The following ERBB4 variants were observed in gnomAD, a reference collection of about 807,000 sequenced individuals.
The protein encoded by ERBB4 is erb-b2 receptor tyrosine kinase 4, also known as receptor tyrosine-protein kinase erbB-4.
ERBB4 carries 42 observed loss-of-function variants against 158.0 expected under a neutral mutation model. The observed-to-expected ratio is 0.27, with a 90% CI of 0.21 to 0.34. ERBB4 has a LOEUF of 0.34. Among genes scored for constraint, ERBB4 ranks in the 10% least tolerant of loss-of-function variants. The probability of loss-of-function intolerance (pLI) is 1.00; values close to 1 mark genes in which losing one functional copy is unlikely to be tolerated. For synonymous variants in ERBB4, 583 were observed against 558.7 expected (o/e 1.04, Z -0.61); for missense variants, 1,333 against 1,624.1 (o/e 0.82, Z 3.08).
At chr2:211,598,884 T>C (rs534369845) in intron 19 of ERBB4, among the ~76,000 whole-genome samples, 25 of 152,276 alleles carry the variant, frequency 1.6e-4, no homozygotes, top group African/African-American at 5.8e-4. Context: ...ACAATTTGAG[T>C]AACGTCACTT....
chr2:212,296,703 G>C (rs750763739), intron 1 of ERBB4, among the ~76,000 whole-genome samples: 1 of 151,904 alleles, frequency 6.6e-6, no homozygotes, highest in African/African-American at 2.4e-5. Context: ...TAGACAATCT[G>C]AGGAAATCCT....
At chr2:212,268,786 C>T (rs1314426191) in intron 1 of ERBB4, among the ~76,000 whole-genome samples, 1 of 151,732 alleles carries the variant, frequency 6.6e-6, no homozygotes, top group East Asian at 1.9e-4. Context: ...AATAGTTTGC[C>T]AAATCCTGCT....
At chr2:212,399,257 T>C (rs1346022669) in intron 1 of ERBB4, among the ~76,000 whole-genome samples, 1 of 152,026 alleles carries the variant, frequency 6.6e-6, no homozygotes, top group African/African-American at 2.4e-5. Flanking sequence ...TTGTTCATTC[T>C]AAACATTCTA....
chr2:211,736,550 C>G (rs1352211427), intron 5 of ERBB4, among the ~76,000 whole-genome samples: 1 of 152,118 alleles, frequency 6.6e-6, no homozygotes, highest in African/African-American at 2.4e-5. Context: ...CTGTGCTCTT[C>G]TTATATATGT....
In ERBB4 at chr2:212,104,277, G is replaced by T. The variant is rs372999585; in HGVS notation, c.234+20475C>A. 2.5e-3 allele frequency among the ~76,000 whole-genome samples: 385 copies of T among 152,084 alleles called. 3 individuals are homozygous for T. The highest frequency in any genetic ancestry group is 8.9e-3 in the African/African-American group (371 of 41,530). The stretch of plus-strand genomic sequence containing the variant: ...GTTTCTATTCATCTTGGGATCCCTA[G>T]CAGGTAACCCAATGCCTGGTCCATA... On this transcript the variant is annotated intron_variant, in intron 2 of 27. Coordinates refer to ENST00000342788, the MANE Select transcript of ERBB4 (RefSeq NM_005235.3).
chr2:212,333,527 GAA>G (rs80161582), intron 1 of ERBB4, among the ~76,000 whole-genome samples: 1,655 of 137,038 alleles, frequency 0.012, 27 homozygotes, highest in African/African-American at 0.04. Flanking sequence ...GAAAAAATAC[GAA>G]AAAAAAAAAA....
chr2:212,088,504 TG>T (rs1410345041), intron 2 of ERBB4, among the ~76,000 whole-genome samples: 1 of 152,160 alleles, frequency 6.6e-6, no homozygotes, highest in Non-Finnish European at 1.5e-5. Flanking sequence ...GAGTTGAATA[TG>T]ATGCAATCCT....
intron 25 of ERBB4, among the ~76,000 whole-genome samples, chr2:211,409,324 C>G (rs1277386286): frequency 1.3e-5 from 2 of 151,984 alleles, no homozygotes; most frequent in Admixed American, 1.3e-4. Flanking sequence ...TTCAGTTACC[C>G]TTGTTATGAA....
At chr2:212,047,496 G>T (rs2077286281) in intron 2 of ERBB4, among the ~76,000 whole-genome samples, 1 of 150,480 alleles carries the variant, frequency 6.6e-6, no homozygotes. Context: ...TATTTTAGAT[G>T]GAGTCTTGTT....
intron 4 of ERBB4, among the ~76,000 whole-genome samples, chr2:211,760,351 C>G (rs552869582): frequency 6.6e-6 from 1 of 152,278 alleles, no homozygotes; most frequent in African/African-American, 2.4e-5. Context: ...ACCTTTTAGT[C>G]ACTGAGTTGC....
chr2:211,827,753 A>G (rs1021793532), intron 3 of ERBB4, among the ~76,000 whole-genome samples: 1 of 152,116 alleles, frequency 6.6e-6, no homozygotes, highest in Non-Finnish European at 1.5e-5. Flanking sequence ...TTATACATTG[A>G]TGGCTATAAG....
intron 4 of ERBB4, among the ~76,000 whole-genome samples, chr2:211,785,259 G>A (rs550851189): frequency 3.9e-5 from 6 of 151,998 alleles, no homozygotes; most frequent in African/African-American, 1.2e-4. Flanking sequence ...CTGCCACCAC[G>A]CCCGGCTAAT....
intron 5 of ERBB4, among the ~76,000 whole-genome samples, chr2:211,735,779 C>A (rs2074579039): frequency 6.6e-6 from 1 of 151,890 alleles, no homozygotes; most frequent in African/African-American, 2.4e-5. Flanking sequence ...AGAGTTATAC[C>A]ACAAGCACAT....
intron 1 of ERBB4, among the ~76,000 whole-genome samples, chr2:212,210,805 G>C (rs938948933): frequency 3.3e-5 from 5 of 152,018 alleles, no homozygotes; most frequent in African/African-American, 4.8e-5. Flanking sequence ...GGATGTCATG[G>C]TTTCATTTAT....
At chr2:212,150,482 A>C (rs1245501833) in intron 1 of ERBB4, among the ~76,000 whole-genome samples, 1 of 152,168 alleles carries the variant, frequency 6.6e-6, no homozygotes, top group Non-Finnish European at 1.5e-5. Flanking sequence ...GAACTTCAGC[A>C]TATCTTTTAC....
intron 1 of ERBB4, among the ~76,000 whole-genome samples, chr2:212,447,470 T>G (rs1310318897): frequency 1.3e-5 from 2 of 151,910 alleles, no homozygotes; most frequent in Non-Finnish European, 2.9e-5. Flanking sequence ...ATTTCCACCC[T>G]CTCTTTTATT....
intron 1 of ERBB4, among the ~76,000 whole-genome samples, chr2:212,228,566 A>C (rs2083554329): frequency 6.6e-6 from 1 of 152,156 alleles, no homozygotes; most frequent in Admixed American, 6.6e-5. Context: ...CACTGCCCAG[A>C]ATTATAATAT....
At position 211,888,767 on chromosome 2, in the gene ERBB4, C is replaced by T. The variant is rs868462758; in HGVS notation, c.421+58663G>A. On this transcript the variant is annotated intron_variant, in intron 3 of 27. Transcript: ENST00000342788. ...GCGAGGGGTCAGGGAGTTCCCTTTC[C>T]GAGTCAAAGAAAGGGGTGACGGACG... Among the ~76,000 whole-genome samples the T allele has an allele frequency of 2.2e-3, 338 of 151,926 alleles. 2 individuals carry two copies. Among genetic ancestry groups the T allele is most frequent in the African/African-American group, 7.7e-3 (319 of 41,314 alleles).
chr2:212,262,288 G>C (rs1559873398), intron 1 of ERBB4, among the ~76,000 whole-genome samples: 1 of 151,958 alleles, frequency 6.6e-6, no homozygotes, highest in Non-Finnish European at 1.5e-5. Context: ...CATTCATCAG[G>C]TTTATTCTAT....
Sources: gnomAD v4.1 joint callset for allele counts (sites outside exome capture counted in the v4.1 genomes callset) on GRCh38, gnomAD v4.1.1 for gene constraint, MANE v1.5 for transcripts, NCBI Gene and HGNC (gene_info 2026-07-23, HGNC 2026-07-21) for gene names.